Variants in DNAH8 observed in about 807,000 individuals in gnomAD.
DNAH8 encodes the protein axonemal beta dynein heavy chain 8.
In DNAH8, 382 loss-of-function variants were observed where a neutral mutation model predicts 562.1. The observed-to-expected ratio is 0.68, with a 90% CI of 0.63 to 0.74. DNAH8 has a LOEUF of 0.74. Ranked by LOEUF, DNAH8 falls within the 30% of genes least tolerant of loss-of-function variation. The pLI is 0.00. For missense variants in DNAH8, 5,203 were observed against 5,620.4 expected (o/e 0.93, Z 2.37); for synonymous variants, 1,881 against 1,919.4 (o/e 0.98, Z 0.52).
chr6:38,947,632 G>A (rs1018395937), intron 80 of DNAH8, among the ~76,000 whole-genome samples: 1 of 152,180 alleles, frequency 6.6e-6, no homozygotes, highest in South Asian at 2.1e-4. Flanking sequence ...GCAAGGTAGG[G>A]CTCGCAACAC....
At chr6:38,835,080 T>A (rs762168290) in intron 32 of DNAH8, among the ~76,000 whole-genome samples, 17 of 152,182 alleles carry the variant, frequency 1.1e-4, no homozygotes, top group Non-Finnish European at 7.3e-5. Context: ...ACTCATTGGA[T>A]CAGGCCAACC....
intron 44 of DNAH8, among the ~76,000 whole-genome samples, chr6:38,863,177 T>C (rs982447828): frequency 4.6e-5 from 7 of 152,146 alleles, no homozygotes; most frequent in East Asian, 1.9e-4. Flanking sequence ...CTCACGCTTG[T>C]AATCCCAGCA....
chr6:38,909,841 A>AT, intron 65 of DNAH8, 97 bp downstream of exon 65: 2 of 951,994 alleles, frequency 2.1e-6, no homozygotes, highest in Non-Finnish European at 3.2e-6. Context: ...CTTTCTATTC[A>AT]TTGAGCACGA....
At chr6:38,841,096 T>TA (rs1774741779) in intron 33 of DNAH8, among the ~76,000 whole-genome samples, 1 of 152,162 alleles carries the variant, frequency 6.6e-6, no homozygotes, top group Non-Finnish European at 1.5e-5. Context: ...CTTAGATTTG[T>TA]AAAATCTACT....
intron 83 of DNAH8, among the ~76,000 whole-genome samples, chr6:38,973,069 G>C (rs73410602): frequency 0.046 from 6,972 of 152,176 alleles, 510 homozygotes; most frequent in African/African-American, 0.15. Flanking sequence ...GGGCAGTGAT[G>C]GTTTTGTGAC....
intron 1 of DNAH8, among the ~76,000 whole-genome samples, chr6:38,718,551 T>C (rs1215191967): frequency 1.3e-5 from 2 of 152,196 alleles, no homozygotes; most frequent in Non-Finnish European, 2.9e-5. Context: ...ATGGCAGTGG[T>C]CATGTATTTA....
intron 24 of DNAH8, among the ~76,000 whole-genome samples, chr6:38,807,947 C>A (rs185545571): frequency 6.6e-6 from 1 of 152,328 alleles, no homozygotes; most frequent in East Asian, 1.9e-4. Context: ...TGGGTCCTCT[C>A]CCTTCTCACC....
intron 35 of DNAH8, among the ~76,000 whole-genome samples, chr6:38,843,448 T>A (rs1264686759): frequency 6.6e-6 from 1 of 152,114 alleles, no homozygotes; most frequent in East Asian, 1.9e-4. Context: ...AGGTTTCAAA[T>A]CTATAGATTT....
At chr6:38,716,023 A>T (rs1468355118) in intron 1 of DNAH8, among the ~76,000 whole-genome samples, 1 of 132,068 alleles carries the variant, frequency 7.6e-6, no homozygotes, top group African/African-American at 3.0e-5. Flanking sequence ...CAGTGGTGCG[A>T]TCTCGGCTCA....
intron 69 of DNAH8, among the ~76,000 whole-genome samples, chr6:38,917,665 G>C (rs113018760): frequency 2.2e-4 from 34 of 152,296 alleles, no homozygotes; most frequent in African/African-American, 7.9e-4. Flanking sequence ...TCAAAAAGGG[G>C]CTTGTGTGGT....
intron 1 of DNAH8, 144 bp from the exon 2 acceptor site, chr6:38,722,632 C>T: frequency 1.5e-6 from 1 of 656,506 alleles, no homozygotes; most frequent in Non-Finnish European, 2.5e-6. Flanking sequence ...ATCACCTCTC[C>T]AGCCCCATAA....
intron 36 of DNAH8, 92 bp downstream of exon 36, chr6:38,845,865 A>AC: frequency 9.4e-7 from 1 of 1,061,010 alleles, no homozygotes; most frequent in Non-Finnish European, 1.4e-6. Flanking sequence ...CTTTCATTGG[A>AC]TGGATTCTGC....
intron 5 of DNAH8, among the ~76,000 whole-genome samples, chr6:38,735,735 T>TG (rs1251924630): frequency 6.6e-6 from 1 of 152,354 alleles, no homozygotes; most frequent in East Asian, 1.9e-4. Context: ...ACCGAAAAAC[T>TG]GACTTCTATG....
intron 57 of DNAH8, among the ~76,000 whole-genome samples, chr6:38,890,041 T>C (rs1004887017): frequency 1.8e-4 from 27 of 152,172 alleles, no homozygotes; most frequent in Admixed American, 1.3e-3. Context: ...CCCCAGTCTT[T>C]CTGAGAGTCA....
rs1768560183 is a variant in DNAH8, at chr6:38,781,182, T to C, written c.2140-72T>C. 19 of 1,503,748 alleles carry C rather than the reference T, an allele frequency of 1.3e-5. No individual in the cohort carries two copies. In the South Asian group the frequency reaches 2.1e-4, roughly 16 times the overall value. 93.2% of individuals were successfully genotyped at this position (1,503,748 alleles called of 1,614,324 possible). ...ATGAATAATGATAAAACAATACAAA[T>C]ATAGCTGTATATATTTTTTGCCTTC... is the stretch of plus-strand genomic sequence containing the variant. On this transcript the variant is annotated intron_variant, in intron 15 of 92. Coordinates refer to ENST00000327475, the MANE Select transcript of DNAH8 (RefSeq NM_001206927.2).
intron 24 of DNAH8, among the ~76,000 whole-genome samples, chr6:38,808,025 T>A (rs1771452093): frequency 6.6e-6 from 1 of 152,226 alleles, no homozygotes; most frequent in Admixed American, 6.5e-5. Flanking sequence ...TTTACTATGC[T>A]TTTGTATCCC....
At chr6:38,972,506 C>T (rs9296272) in intron 83 of DNAH8, among the ~76,000 whole-genome samples, 65,898 of 151,878 alleles carry the variant, frequency 0.43, 14,762 homozygotes, top group African/African-American at 0.53. Context: ...ATTATTTTTA[C>T]TCGGATCAAA....
intron 44 of DNAH8, among the ~76,000 whole-genome samples, chr6:38,863,432 A>C (rs1291647030): frequency 6.6e-6 from 1 of 152,062 alleles, no homozygotes; most frequent in Non-Finnish European, 1.5e-5. Flanking sequence ...ACCAAAAAAA[A>C]CAAAACAAAA....
At chr6:38,912,969 C>T (rs974668263) in intron 66 of DNAH8, among the ~76,000 whole-genome samples, 4 of 152,066 alleles carry the variant, frequency 2.6e-5, no homozygotes, top group Non-Finnish European at 4.4e-5. Context: ...GCCACCATGC[C>T]CAGCTTGTTT....
Sources: allele counts gnomAD v4.1 joint callset (sites outside exome capture counted in the v4.1 genomes callset), GRCh38; gene constraint gnomAD v4.1.1; transcripts MANE v1.5; gene names NCBI Gene and HGNC (gene_info 2026-07-23, HGNC 2026-07-21).